Variants in OCIAD2 observed in about 807,000 individuals in gnomAD.
OCIAD2 encodes the protein OCIA domain-containing protein 2.
In OCIAD2, 29 loss-of-function variants were observed where a neutral mutation model predicts 22.9. That is an observed-to-expected ratio of 1.27 (90% CI 0.94 to 1.73). The LOEUF (loss-of-function observed/expected upper bound fraction) is 1.73, where lower values mean the gene tolerates loss of function less well. Among genes scored for constraint, OCIAD2 ranks in the 40% most tolerant of loss-of-function variants. OCIAD2 has a pLI of 0.00. For synonymous variants in OCIAD2, 67 were observed against 60.2 expected (o/e 1.11, Z -0.52); for missense variants, 189 against 180.3 (o/e 1.05, Z -0.28).
intron 2 of OCIAD2, among the ~76,000 whole-genome samples, chr4:48,901,316 A>C (rs950572159): frequency 6.6e-6 from 1 of 152,088 alleles, no homozygotes; most frequent in African/African-American, 2.4e-5. Context: ...TTCAGACATG[A>C]AACTAGAAGT....
At chr4:48,887,927 G>A (rs914659975) in intron 6 of OCIAD2, among the ~76,000 whole-genome samples, 5 of 152,132 alleles carry the variant, frequency 3.3e-5, no homozygotes, top group African/African-American at 1.2e-4. Flanking sequence ...ATTACCTTGG[G>A]CAGTATGGCC....
chr4:48,903,534 T>C (rs1287781488), intron 2 of OCIAD2, among the ~76,000 whole-genome samples: 1 of 152,054 alleles, frequency 6.6e-6, no homozygotes, highest in East Asian at 1.9e-4. Flanking sequence ...TGTTAGAGTC[T>C]ATTAAGAGTT....
intron 4 of OCIAD2, among the ~76,000 whole-genome samples, chr4:48,896,262 T>C (rs1404695179): frequency 6.6e-6 from 1 of 152,108 alleles, no homozygotes; most frequent in Non-Finnish European, 1.5e-5. Context: ...ACTTCTTCCC[T>C]CATATTTACT....
At chr4:48,893,164 C>T (rs928769828) in intron 5 of OCIAD2, 1 of 219,602 alleles carries the variant, frequency 4.6e-6, no homozygotes, top group Non-Finnish European at 8.9e-6. Flanking sequence ...ACCTGTCAAG[C>T]AAACGGTTGA....
intron 2 of OCIAD2, among the ~76,000 whole-genome samples, chr4:48,903,472 T>G (rs2109685333): frequency 6.6e-6 from 1 of 152,090 alleles, no homozygotes; most frequent in African/African-American, 2.4e-5. Context: ...CCCCCATCTC[T>G]AAAAAATAAA....
At chr4:48,888,809 G>T (rs561346460) in intron 6 of OCIAD2, among the ~76,000 whole-genome samples, 24 of 152,014 alleles carry the variant, frequency 1.6e-4, no homozygotes, top group Admixed American at 5.9e-4. Context: ...TTTTTTTGTT[G>T]TGTCTGTGCC....
chr4:48,901,996 G>T (rs1781429273), intron 2 of OCIAD2, among the ~76,000 whole-genome samples: 1 of 152,052 alleles, frequency 6.6e-6, no homozygotes, highest in Admixed American at 6.6e-5. Context: ...TGAACCCCTG[G>T]ACTCAAGTGT....
chr4:48,904,341 G>A, intron 2 of OCIAD2, 143 bp downstream of exon 2: 1 of 763,180 alleles, frequency 1.3e-6, no homozygotes, highest in South Asian at 1.6e-5. Context: ...TCCCAGTTAA[G>A]TGAGAAGCTC....
rs547005996 is a variant in OCIAD2, at chr4:48,888,837, T to C, written c.384-3272A>G. On this transcript the variant is annotated intron_variant, in intron 6 of 6. Transcript: ENST00000508632. ...TCTGTGCCAGGCTTTGGTATCAAGA[T>C]GATGTTGGCCTCATAAAATGAGTTA... Among the ~76,000 whole-genome samples, 9 of 152,280 alleles carry C rather than the reference T, an allele frequency of 5.9e-5. No homozygotes were observed. In the South Asian group the frequency reaches 8.3e-4, roughly 14 times the overall value.
chr4:48,895,378 C>G (rs1781281778), intron 4 of OCIAD2, among the ~76,000 whole-genome samples: 1 of 152,134 alleles, frequency 6.6e-6, no homozygotes, highest in African/African-American at 2.4e-5. Flanking sequence ...TAACAGAATA[C>G]CATACGCTGG....
intron 6 of OCIAD2, among the ~76,000 whole-genome samples, chr4:48,890,830 A>G (rs1305839750): frequency 2.6e-5 from 4 of 152,228 alleles, no homozygotes; most frequent in Non-Finnish European, 5.9e-5. Context: ...GGGAAGGATT[A>G]CTTCGAAGGT....
chr4:48,904,775 T>C, intron 1 of OCIAD2, 164 bp from the exon 2 acceptor site: 2 of 597,758 alleles, frequency 3.3e-6, no homozygotes, highest in Admixed American at 2.9e-5. Flanking sequence ...CCAGCACACA[T>C]ACATGCACTC....
chr4:48,886,092 T>A (rs112008178), intron 6 of OCIAD2, among the ~76,000 whole-genome samples: 18 of 152,358 alleles, frequency 1.2e-4, no homozygotes, highest in Admixed American at 3.9e-4. Flanking sequence ...CATCTTGAAT[T>A]AATTTTTGTA....
intron 2 of OCIAD2, among the ~76,000 whole-genome samples, chr4:48,902,593 T>A (rs1781439433): frequency 6.6e-6 from 1 of 152,190 alleles, no homozygotes; most frequent in Non-Finnish European, 1.5e-5. Flanking sequence ...TATTTGCTCT[T>A]GCTCTTGGCT....
chr4:48,888,191 T>A (rs1468771237), intron 6 of OCIAD2, among the ~76,000 whole-genome samples: 1 of 152,130 alleles, frequency 6.6e-6, no homozygotes, highest in East Asian at 1.9e-4. Flanking sequence ...GATTTTGTAT[T>A]CTGAGACTTT....
intron 2 of OCIAD2, 131 bp downstream of exon 2, chr4:48,904,353 A>G: frequency 1.2e-6 from 1 of 820,280 alleles, no homozygotes; most frequent in Non-Finnish European, 2.1e-6. Context: ...GAGAAGCTCA[A>G]GTAGGAGGAT....
chr4:48,904,176 G>T (rs1164761910), intron 2 of OCIAD2, among the ~76,000 whole-genome samples: 3 of 151,998 alleles, frequency 2.0e-5, no homozygotes, highest in Admixed American at 2.0e-4. Context: ...ACCTGACCAG[G>T]CATGGTGGCT....
intron 6 of OCIAD2, among the ~76,000 whole-genome samples, chr4:48,889,736 C>A (rs1781110320): frequency 6.6e-6 from 1 of 152,294 alleles, no homozygotes; most frequent in Admixed American, 6.5e-5. Context: ...TACCATTTGA[C>A]CCAACCATCC....
At chr4:48,887,998 T>A (rs1186578586) in intron 6 of OCIAD2, among the ~76,000 whole-genome samples, 1 of 152,182 alleles carries the variant, frequency 6.6e-6, no homozygotes, top group Non-Finnish European at 1.5e-5. Context: ...TTTGTTTGTA[T>A]CCTCTTTTAT....
Sources: allele counts gnomAD v4.1 joint callset (sites outside exome capture counted in the v4.1 genomes callset), GRCh38; gene constraint gnomAD v4.1.1; transcripts MANE v1.5; gene names NCBI Gene and HGNC (gene_info 2026-07-23, HGNC 2026-07-21).